The following R3HDM1 variants were observed in gnomAD, a reference collection of about 807,000 sequenced individuals.
R3HDM1 encodes the protein R3H domain containing 1.
A neutral mutation model predicts 141.1 loss-of-function variants in R3HDM1; 46 were observed. The observed-to-expected ratio is 0.33, with a 90% CI of 0.26 to 0.42. The LOEUF (loss-of-function observed/expected upper bound fraction) is 0.42. R3HDM1 is among the 10% of genes least tolerant of loss of function. The probability of loss-of-function intolerance (pLI) is 1.00; values close to 1 mark genes in which losing one functional copy is unlikely to be tolerated. For synonymous variants in R3HDM1, 435 were observed against 472.9 expected (o/e 0.92, Z 1.04); for missense variants, 1,184 against 1,368.3 (o/e 0.87, Z 2.12).
intron 1 of R3HDM1, chr2:135,543,273 T>A (rs944639636): frequency 5.0e-6 from 1 of 200,098 alleles, no homozygotes; most frequent in African/African-American, 2.4e-5. Context: ...GAAAATCGAT[T>A]GATCAAAAAA....
At chr2:135,722,412 C>T in intron 25 of R3HDM1, 57 bp from the exon 26 acceptor site, 2 of 1,568,062 alleles carry the variant, frequency 1.3e-6, no homozygotes, top group Non-Finnish European at 1.7e-6. Flanking sequence ...GTTAAACATC[C>T]AAAGTGTGTT....
chr2:135,591,139 T>C (rs1709177464), intron 1 of R3HDM1, among the ~76,000 whole-genome samples: 1 of 152,126 alleles, frequency 6.6e-6, no homozygotes, highest in Non-Finnish European at 1.5e-5. Flanking sequence ...GAATGTGAAG[T>C]TTCACATTTT....
chr2:135,597,210 G>A (rs2059264082), intron 1 of R3HDM1: 2 of 974,502 alleles, frequency 2.1e-6, no homozygotes, highest in Non-Finnish European at 1.2e-6. Context: ...TATATTTGTT[G>A]GTAAGTGTCA....
In R3HDM1 at chr2:135,703,128, G is replaced by C. The variant is rs935422793; in HGVS notation, c.2460-6305G>C. ...TACCCTCCAATTTCTCAAGCCGAAGGCATCTTTTCCATTAAATATATAATG... is the reference window on the plus strand; with the variant it reads ...TACCCTCCAATTTCTCAAGCCGAAGCCATCTTTTCCATTAAATATATAATG... On this transcript the variant is annotated intron_variant, in intron 21 of 26. Coordinates refer to ENST00000683871, the MANE Select transcript of R3HDM1 (RefSeq NM_001378107.1). 7.9e-5 allele frequency among the ~76,000 whole-genome samples: 12 copies of C among 152,226 alleles called. No individual in the cohort carries two copies. In the South Asian group the frequency reaches 1.5e-3, roughly 18 times the overall value.
intron 5 of R3HDM1, chr2:135,620,772 A>G (rs2061446035): frequency 2.1e-6 from 1 of 466,458 alleles, no homozygotes; most frequent in Middle Eastern, 1.0e-3. Flanking sequence ...ATTAATTTCT[A>G]GTAATCCCTT....
intron 18 of R3HDM1, among the ~76,000 whole-genome samples, chr2:135,652,665 G>A (rs759264859): frequency 1.2e-4 from 18 of 152,002 alleles, no homozygotes; most frequent in Non-Finnish European, 1.3e-4. Flanking sequence ...AAATGAGTTG[G>A]GCATTGTTCC....
At chr2:135,637,795 G>A (rs578067467) in intron 11 of R3HDM1, among the ~76,000 whole-genome samples, 4 of 152,016 alleles carry the variant, frequency 2.6e-5, no homozygotes, top group African/African-American at 4.8e-5. Context: ...TTTTTGTTTC[G>A]TTTTTTACTT....
At chr2:135,661,435 T>C in intron 19 of R3HDM1, 42 bp downstream of exon 19, 2 of 1,598,288 alleles carry the variant, frequency 1.3e-6, no homozygotes, top group Non-Finnish European at 1.7e-6. Context: ...AGCCACACTT[T>C]TTTCCATCTT....
At chr2:135,636,025 T>C (rs777078092) in intron 10 of R3HDM1, 27 bp downstream of exon 10, 2 of 1,609,322 alleles carry the variant, frequency 1.2e-6, no homozygotes, top group South Asian at 2.2e-5. Flanking sequence ...GTAGGATTTG[T>C]ATAGGTGCAA....
intron 21 of R3HDM1, among the ~76,000 whole-genome samples, chr2:135,708,884 T>C (rs2075269074): frequency 7.0e-6 from 1 of 143,016 alleles, no homozygotes; most frequent in Admixed American, 7.4e-5. Flanking sequence ...GCTTGAAGCC[T>C]GGAGGCAGAG....
chr2:135,561,782 T>C (rs1462058670), intron 1 of R3HDM1, among the ~76,000 whole-genome samples: 1 of 152,020 alleles, frequency 6.6e-6, no homozygotes, highest in East Asian at 1.9e-4. Flanking sequence ...ATAAACTACA[T>C]TTAACTTTAG....
chr2:135,630,608 A>C (rs1262947174), intron 7 of R3HDM1, among the ~76,000 whole-genome samples: 1 of 152,166 alleles, frequency 6.6e-6, no homozygotes, highest in African/African-American at 2.4e-5. Flanking sequence ...AGGAGAATCA[A>C]ATGCAGGTCT....
In R3HDM1 at chr2:135,602,677, C is replaced by T; in HGVS notation, c.-72C>T. The T allele has an allele frequency of 6.5e-7, 1 of 1,535,508 alleles. No homozygotes were observed. Among genetic ancestry groups the T allele is most frequent in the Non-Finnish European group, 8.8e-7 (1 of 1,142,434 alleles). On this transcript the variant is annotated 5_prime_UTR_variant, in exon 2 of 27. Coordinates refer to ENST00000683871, the MANE Select transcript of R3HDM1 (RefSeq NM_001378107.1). ...ATTATTTTATTTTATTTTTGTGGGA[C>T]ACCACAATCCCAAATCCAAAGGACG...
In R3HDM1 at chr2:135,675,433, G is replaced by A; in HGVS notation, c.2254G>A (p.Gly752Arg). The change falls in exon 20 of 27, where the codon GGA becomes AGA. Residue 752 changes from glycine (G) to arginine (R), a missense_variant. Physicochemically the swap from Gly to Arg is moderately radical, Grantham distance 125. Transcript: ENST00000683871. ...SLVSGQPNSI[G>R]NQIQGVVIPY... ...AGTCAGTGGCCAACCCAACAGCATT[G>A]GAAATCAGATTCAAGGAGTGGTCAT... The A allele has an allele frequency of 6.2e-7, 1 of 1,613,898 alleles. No homozygotes were observed. The highest frequency in any genetic ancestry group is 8.5e-7 in the Non-Finnish European group (1 of 1,179,884).
At chr2:135,632,052 T>G (rs1235032043) in intron 9 of R3HDM1, 51 bp downstream of exon 9, 1 of 1,356,414 alleles carries the variant, frequency 7.4e-7, no homozygotes, top group Non-Finnish European at 9.9e-7. Context: ...TAATAATACT[T>G]TATCTTTCTA....
intron 1 of R3HDM1, among the ~76,000 whole-genome samples, chr2:135,533,750 G>T (rs1695450494): frequency 6.6e-6 from 1 of 152,272 alleles, no homozygotes; most frequent in South Asian, 2.1e-4. Flanking sequence ...ATGGTGGCGG[G>T]CACCTGTAAT....
chr2:135,618,913 C>T (rs1339132215), intron 5 of R3HDM1, among the ~76,000 whole-genome samples: 2 of 151,044 alleles, frequency 1.3e-5, no homozygotes, highest in Admixed American at 6.6e-5. Flanking sequence ...CCAGCTACTT[C>T]GGAGGCTGGG....
Position 135,724,406 on chromosome 2 carries a change from T to G in R3HDM1, c.*114T>G. ...TAGAGACTCCTAGGATGTGTGTTCA[T>G]GGCATTATAGCTTTTGAAGAAAGGC... is the stretch of plus-strand genomic sequence containing the variant. On this transcript the variant is annotated 3_prime_UTR_variant, in exon 27 of 27. Transcript: ENST00000683871. 1 of 804,858 alleles carries G rather than the reference T, an allele frequency of 1.2e-6. No individual in the cohort carries two copies. 49.9% of individuals were successfully genotyped at this position (804,858 alleles called of 1,614,324 possible). A position where few individuals can be genotyped will look rare whatever the true frequency, so the allele number is the denominator to read the frequency against.
intron 9 of R3HDM1, among the ~76,000 whole-genome samples, chr2:135,635,586 A>G (rs1443073578): frequency 6.6e-6 from 1 of 152,224 alleles, no homozygotes; most frequent in African/African-American, 2.4e-5. Context: ...GGAAAGAGAA[A>G]GGTTAAGTAA....
Sources: allele counts gnomAD v4.1 joint callset (sites outside exome capture counted in the v4.1 genomes callset), GRCh38; gene constraint gnomAD v4.1.1; transcripts MANE v1.5; gene names NCBI Gene and HGNC (gene_info 2026-07-23, HGNC 2026-07-21).